Variants in CACNA1H observed in about 807,000 individuals in gnomAD.
CACNA1H encodes the protein voltage-dependent T-type calcium channel subunit alpha-1H.
A neutral mutation model predicts 192.5 loss-of-function variants in CACNA1H; 149 were observed. The ratio of observed to expected loss-of-function variants is 0.77; its 90% CI spans 0.68 to 0.89. The LOEUF (loss-of-function observed/expected upper bound fraction) is 0.89. CACNA1H is among the 40% of genes least tolerant of loss of function. The pLI, the probability that CACNA1H is intolerant of heterozygous loss-of-function variation, is 0.00. For missense variants in CACNA1H, 4,257 were observed against 3,423.5 expected (o/e 1.24, Z -6.08); for synonymous variants, 2,202 against 1,475.2 (o/e 1.49, Z -11.29).
At chr16:1,186,107 T>G (rs1596355332) in intron 2 of CACNA1H, among the ~76,000 whole-genome samples, 1 of 66,428 alleles carries the variant, frequency 1.5e-5, no homozygotes, top group Non-Finnish European at 2.8e-5. Context: ...GTAGACGGCG[T>G]GCGTAGGGGC....
chr16:1,209,500 G>C lies in CACNA1H; in HGVS notation c.3744+88G>C, dbSNP rs1418909021. 5.3e-6 allele frequency: 8 copies of C among 1,513,360 alleles called. No individual in the cohort carries two copies. The African/African-American group carries it at 6.9e-5, about 13-fold the overall frequency. 93.7% of individuals were successfully genotyped at this position (1,513,360 alleles called of 1,614,324 possible). A position where few individuals can be genotyped will look rare whatever the true frequency, so the allele number is the denominator to read the frequency against. ...AAGTGGGGTTTGAGATGGGATTCAG[G>C]GCGTGTTGTTGACTGAGGGGATTCA... is the stretch of plus-strand genomic sequence containing the variant. On this transcript the variant is annotated intron_variant, in intron 17 of 34. Transcript: ENST00000348261.
Position 1,199,445 on chromosome 16 carries a change from C to T in CACNA1H, c.803+671C>T, listed in dbSNP as rs1415695763. Among the ~76,000 whole-genome samples the T allele has an allele frequency of 3.6e-5, 3 of 82,968 alleles. 1 individual carries two copies. Among genetic ancestry groups the T allele is most frequent in the Non-Finnish European group, 7.4e-5 (3 of 40,314 alleles). 54.4% of individuals were successfully genotyped at this position (82,968 alleles called of 152,430 possible). ...ATCATGGCTCCGCCCACCGTGCGGT[C>T]GCTGCATATATGCCCCACCCCCATC... On this transcript the variant is annotated intron_variant, in intron 6 of 34. Coordinates refer to ENST00000348261, the MANE Select transcript of CACNA1H (RefSeq NM_021098.3).
rs1452680064 is a variant in CACNA1H, at chr16:1,200,193, C to G, written c.804-63C>G. 6 of 1,361,912 alleles carry G rather than the reference C, an allele frequency of 4.4e-6. No homozygotes were observed. The South Asian group carries it at 6.6e-5, about 15-fold the overall frequency. The allele number at this position is 1,361,912 out of a possible 1,614,324, so 84.4% of individuals were successfully genotyped here. On this transcript the variant is annotated intron_variant, in intron 6 of 34. Transcript: ENST00000348261. ...ATCACGTCCCTGATCACAATCGTGC[C>G]CCCGACTCTGACCGTCCCTGACCCT...
intron 2 of CACNA1H, among the ~76,000 whole-genome samples, chr16:1,166,240 C>T (rs1412319138): frequency 1.3e-5 from 2 of 152,272 alleles, no homozygotes; most frequent in East Asian, 1.9e-4. Flanking sequence ...CCTTTGCGTC[C>T]GGAGTGGGGT....
chr16:1,218,019 C>T lies in CACNA1H; in HGVS notation c.5424C>T (p.Asp1808=), dbSNP rs1436648856. ...CGCTGTTCCGCGTGTCCACGGGGGA[C>T]AACTGGAACGGGATCATGAAGGTAC... ...FLTLFRVSTG[D]NWNGIMKDTL... Residue 1808 remains aspartate, a synonymous_variant, in exon 32 of 35, where the codon GAC becomes GAT. Transcript: ENST00000348261. 2.5e-6 allele frequency: 4 copies of T among 1,601,042 alleles called. No individual in the cohort carries two copies. Among genetic ancestry groups the T allele is most frequent in the Non-Finnish European group, 3.4e-6 (4 of 1,174,122 alleles).
intron 29 of CACNA1H, 31 bp downstream of exon 29, chr16:1,215,406 C>A: frequency 7.5e-7 from 1 of 1,335,842 alleles, no homozygotes; most frequent in South Asian, 1.2e-5. Context: ...CAGGTTCTCT[C>A]TGCGGGTGGA....
chr16:1,200,311 A>C lies in CACNA1H; in HGVS notation c.859A>C (p.Asn287His), dbSNP rs753361068. Residue 287 changes from asparagine to histidine, a missense_variant, in exon 7 of 35, where the codon AAC becomes CAC. Transcript: ENST00000348261. The stretch of plus-strand genomic sequence containing the variant: ...CTACCAGACGGAGGAGGGCGAGGAG[A>C]ACCCGTTCATCTGCTCCTCACGCCG... ...PYYQTEEGEE[N>H]PFICSSRRDN... 2.5e-6 allele frequency: 4 copies of C among 1,606,262 alleles called. No homozygotes were observed. The African/African-American group carries it at 5.3e-5, about 21-fold the overall frequency.
Position 1,210,588 on chromosome 16 carries a change from G to T in CACNA1H, c.3975G>T (p.Arg1325=). 1 of 1,608,978 alleles carries T rather than the reference G, an allele frequency of 6.2e-7. No homozygotes were observed. The stretch of plus-strand genomic sequence containing the variant: ...CCACCGTCCTCTCCCGGCAGGAGCG[G>T]GTCTTCCTCAGCGTCTCCAATTACA... ...RPDIDPGSTE[R]VFLSVSNYIF... The change falls in exon 20 of 35, where the codon CGG becomes CGT. Residue 1325 remains arginine, a synonymous_variant. Coordinates refer to ENST00000348261, the MANE Select transcript of CACNA1H (RefSeq NM_021098.3).
In CACNA1H at chr16:1,211,153, T is replaced by C; in HGVS notation, c.4224-15T>C. 1 of 1,611,890 alleles carries C rather than the reference T, an allele frequency of 6.2e-7. No homozygotes were observed. The highest frequency in any genetic ancestry group is 8.5e-7 in the Non-Finnish European group (1 of 1,179,308). ...TGCCATAGATGACTGCAGTGTATCC[T>C]TCACTCCCCTCCAGGGTCATCAGCC... On this transcript the variant is annotated splice_polypyrimidine_tract_variant and intron_variant, in intron 21 of 34. Transcript: ENST00000348261.
At position 1,167,449 on chromosome 16, in the gene CACNA1H, A is replaced by C. The variant is rs920909432; in HGVS notation, c.299+13413A>C. On this transcript the variant is annotated intron_variant, in intron 2 of 34. Transcript: ENST00000348261. The surrounding 1 kb of genome is among the most constrained non-coding windows in gnomAD (Gnocchi z 4.2). ...CGTCCTCTGGAGAATTTCAACACCC[A>C]CACTTGGAATAAAAAAAAAAATTAT... is the stretch of plus-strand genomic sequence containing the variant. Among the ~76,000 whole-genome samples the C allele has an allele frequency of 6.6e-6, 1 of 151,720 alleles. No homozygotes were observed. The highest frequency in any genetic ancestry group is 1.5e-5 in the Non-Finnish European group (1 of 67,932).
intron 2 of CACNA1H, among the ~76,000 whole-genome samples, chr16:1,168,638 A>G (rs1010365571): frequency 3.3e-5 from 5 of 151,984 alleles, no homozygotes; most frequent in Non-Finnish European, 7.4e-5. Flanking sequence ...CGAGCCCCTC[A>G]TGCATCGTGC....
chr16:1,192,014 G>A (rs1459341521), intron 2 of CACNA1H, among the ~76,000 whole-genome samples: 1 of 152,258 alleles, frequency 6.6e-6, no homozygotes, highest in Non-Finnish European at 1.5e-5. Flanking sequence ...TGCAGCTGGC[G>A]TGCCTGCAGG....
chr16:1,155,299 C>A (rs1167797360), intron 2 of CACNA1H, among the ~76,000 whole-genome samples: 2 of 152,218 alleles, frequency 1.3e-5, no homozygotes, highest in African/African-American at 4.8e-5. Context: ...CGGCCTAGGC[C>A]TCTGTAGCCT....
intron 2 of CACNA1H, 58 bp downstream of exon 2, chr16:1,154,094 C>CCG: frequency 5.6e-6 from 2 of 354,146 alleles, no homozygotes; most frequent in Non-Finnish European, 4.3e-6. Flanking sequence ...GGTGGGGGCC[C>CCG]GGGGCGCGGG....
chr16:1,200,517 C>A lies in CACNA1H; in HGVS notation c.1065C>A (p.His355Gln). Reference sequence around the variant, plus strand: ...GCCGCTCGGGTGACTCCAACCCCCACAACGGTGCCATCAACTTCGACAACA... The same window carrying A: ...GCCGCTCGGGTGACTCCAACCCCCAAAACGGTGCCATCAACTTCGACAACA... ...NVCRSGDSNP[H>Q]NGAINFDNIG... Residue 355 changes from histidine (H) to glutamine (Q), a missense_variant, in exon 7 of 35, where the codon CAC (histidine) becomes CAA (glutamine). Physicochemically the swap from His to Gln is conservative, Grantham distance 24 (BLOSUM62 0). Coordinates refer to ENST00000348261, the MANE Select transcript of CACNA1H (RefSeq NM_021098.3). 1 of 1,612,388 alleles carries A rather than the reference C, an allele frequency of 6.2e-7. No individual in the cohort carries two copies. The highest frequency in any genetic ancestry group is 8.5e-7 in the Non-Finnish European group (1 of 1,179,736).
At chr16:1,200,894 GCTC>G (rs1967791785) in intron 8 of CACNA1H, 86 bp downstream of exon 8, 1 of 984,746 alleles carries the variant, frequency 1.0e-6, no homozygotes, top group Non-Finnish European at 1.6e-6. Flanking sequence ...GGTCATAGGG[GCTC>G]CTGTCTGTCT....
Position 1,213,762 on chromosome 16 carries a change from T to C in CACNA1H, c.4778-18T>C. 2 of 1,532,288 alleles carry C rather than the reference T, an allele frequency of 1.3e-6. No homozygotes were observed. Among genetic ancestry groups the C allele is most frequent in the Middle Eastern group, 1.8e-4 (1 of 5,500 alleles). The allele number at this position is 1,532,288 out of a possible 1,614,324, so 94.9% of individuals were successfully genotyped here. A position where few individuals can be genotyped will look rare whatever the true frequency, so the allele number is the denominator to read the frequency against. On this transcript the variant is annotated intron_variant, in intron 26 of 34. Coordinates refer to ENST00000348261, the MANE Select transcript of CACNA1H (RefSeq NM_021098.3). ...GGGCGGCCCTCCTGCCCGGCGCTCATGGCCGCCCTCCCCGCAGAGGCCCAG... is the reference window on the plus strand; with the variant it reads ...GGGCGGCCCTCCTGCCCGGCGCTCACGGCCGCCCTCCCCGCAGAGGCCCAG...
intron 6 of CACNA1H, among the ~76,000 whole-genome samples, chr16:1,199,993 T>C (rs1200459323): frequency 6.6e-6 from 1 of 152,202 alleles, no homozygotes; most frequent in African/African-American, 2.4e-5. Context: ...CTCTGTGGAC[T>C]TGGGCTGAGG....
chr16:1,215,817 G>A (rs368007437), intron 30 of CACNA1H, among the ~76,000 whole-genome samples: 115 of 152,242 alleles, frequency 7.6e-4, no homozygotes, highest in African/African-American at 2.7e-3. Context: ...ACTCATAACC[G>A]GGGCCCCCTC....
Sources: gnomAD v4.1 joint callset for allele counts (sites outside exome capture counted in the v4.1 genomes callset) on GRCh38, gnomAD v4.1.1 for gene constraint, Gnocchi (gnomAD v3.1) non-coding constraint, MANE v1.5 for transcripts, NCBI Gene and HGNC (gene_info 2026-07-23, HGNC 2026-07-21) for gene names.